The following PKHD1 variants were observed in gnomAD, a reference collection of about 807,000 sequenced individuals.
The protein encoded by PKHD1 is fibrocystin.
Under a neutral mutation model 412.0 loss-of-function variants are expected in PKHD1, and 291 were observed. The observed-to-expected ratio is 0.71, with a 90% CI of 0.64 to 0.78. The LOEUF is 0.78. Among genes scored for constraint, PKHD1 ranks in the 30% least tolerant of loss-of-function variants. The pLI is 0.00. For missense variants in PKHD1, 4,825 were observed against 4,950.7 expected (o/e 0.97, Z 0.76); for synonymous variants, 1,777 against 1,821.5 (o/e 0.98, Z 0.62).
Position 51,825,386 on chromosome 6 carries a change from T to C in PKHD1, c.8302+5475A>G, listed in dbSNP as rs570106467. Among the ~76,000 whole-genome samples the C allele has an allele frequency of 5.9e-5, 9 of 152,286 alleles. 2 individuals are homozygous for C. In the East Asian group the frequency reaches 1.7e-3, roughly 29 times the overall value. Reference sequence around the variant, plus strand: ...TTCCACACAGGTCTCTTGGACCACTTACTTTTGGAACACCTTTCTTAGGCT... The same window carrying C: ...TTCCACACAGGTCTCTTGGACCACTCACTTTTGGAACACCTTTCTTAGGCT... On this transcript the variant is annotated intron_variant, in intron 52 of 66. Transcript: ENST00000371117.
At chr6:51,737,706 C>G (rs1193180361) in intron 60 of PKHD1, among the ~76,000 whole-genome samples, 1 of 147,404 alleles carries the variant, frequency 6.8e-6, no homozygotes, top group African/African-American at 2.6e-5. Flanking sequence ...AGCAGAATCA[C>G]TTATTGTTTG....
intron 60 of PKHD1, among the ~76,000 whole-genome samples, chr6:51,704,366 A>T (rs1360583940): frequency 1.3e-5 from 2 of 152,056 alleles, no homozygotes; most frequent in Non-Finnish European, 2.9e-5. Flanking sequence ...ATGAACTGAG[A>T]TTTTCTTCTA....
chr6:51,823,764 A>C (rs937107837), intron 52 of PKHD1, among the ~76,000 whole-genome samples: 1 of 152,184 alleles, frequency 6.6e-6, no homozygotes, highest in Non-Finnish European at 1.5e-5. Flanking sequence ...AATTCTTTTT[A>C]ATTCCCACTC....
chr6:51,902,498 C>A (rs192086461), intron 43 of PKHD1, among the ~76,000 whole-genome samples: 21 of 152,218 alleles, frequency 1.4e-4, no homozygotes, highest in African/African-American at 4.6e-4. Context: ...TTGGAACAAA[C>A]ATAATTAAGA....
At position 51,754,778 on chromosome 6, in the gene PKHD1, C is replaced by G. The variant is rs375115505; in HGVS notation, c.8797+6G>C. On this transcript the variant is annotated splice_donor_region_variant and intron_variant, in intron 56 of 66. Coordinates refer to ENST00000371117, the MANE Select transcript of PKHD1 (RefSeq NM_138694.4). ...ACTTACCTTAACCAACAAACCAAAG[C>G]CTTACCAATATGCCGGTGTTTGAGC... 1 of 1,612,950 alleles carries G rather than the reference C, an allele frequency of 6.2e-7. No homozygotes were observed. Among genetic ancestry groups the G allele is most frequent in the Non-Finnish European group, 8.5e-7 (1 of 1,179,198 alleles).
At chr6:52,026,696 T>A (rs547211500) in intron 31 of PKHD1, among the ~76,000 whole-genome samples, 13 of 152,332 alleles carry the variant, frequency 8.5e-5, no homozygotes, top group Admixed American at 2.6e-4. Flanking sequence ...TATATTCTAT[T>A]TATTGTACCA....
rs561718564 is a variant in PKHD1 at position 51,874,548 on chromosome 6, T to C, written c.7351-3909A>G. ...AAGTTCTTCCAGAAAGTAATGTTTA[T>C]TTTAGGATGTGACTCACAGATAATT... On this transcript the variant is annotated intron_variant, in intron 46 of 66. Coordinates refer to ENST00000371117, the MANE Select transcript of PKHD1 (RefSeq NM_138694.4). 1.3e-3 allele frequency among the ~76,000 whole-genome samples: 199 copies of C among 152,264 alleles called. 1 individual carries two copies. The highest frequency in any genetic ancestry group is 2.0e-3 in the Admixed American group (31 of 15,290).
rs770922417 is a variant in PKHD1, at chr6:52,055,648, C to T, written c.1775G>A (p.Arg592Gln). ...FCGRFSLRQP[R>Q]HLVLTPPAAQ... The stretch of plus-strand genomic sequence containing the variant: ...AGCCGGGGGAGTAAGGACAAGGTGT[C>T]GAGGCTGACGGAGGCTGAACCTGCC... Residue 592 changes from arginine (R) to glutamine (Q), a missense_variant, in exon 19 of 67, where the codon CGA (arginine) becomes CAA (glutamine). Coordinates refer to ENST00000371117, the MANE Select transcript of PKHD1 (RefSeq NM_138694.4). 20 of 1,613,700 alleles carry T rather than the reference C, an allele frequency of 1.2e-5. No homozygotes were observed. The Admixed American group carries it at 2.2e-4, about 17-fold the overall frequency.
At chr6:51,804,807 T>C (rs1763515457) in intron 52 of PKHD1, among the ~76,000 whole-genome samples, 1 of 151,842 alleles carries the variant, frequency 6.6e-6, no homozygotes, top group African/African-American at 2.4e-5. Context: ...AAGCGAGAAA[T>C]GCAAATCAAA....
At chr6:51,868,447 T>C (rs893763519) in intron 47 of PKHD1, among the ~76,000 whole-genome samples, 3 of 151,166 alleles carry the variant, frequency 2.0e-5, no homozygotes, top group African/African-American at 4.9e-5. Context: ...GCTGTCACAA[T>C]TGGGGAGCTG....
chr6:52,001,486 G>A (rs904808110), intron 35 of PKHD1, among the ~76,000 whole-genome samples: 7 of 150,042 alleles, frequency 4.7e-5, no homozygotes, highest in Non-Finnish European at 8.9e-5. Context: ...CTGGAGTACA[G>A]TGGTGCAATC....
chr6:51,856,738 TTACAG>T (rs1360757523), intron 48 of PKHD1, among the ~76,000 whole-genome samples: 3 of 152,234 alleles, frequency 2.0e-5, no homozygotes, highest in Non-Finnish European at 2.9e-5. Flanking sequence ...CTCACTGCTA[TTACAG>T]TACCTATGTG....
chr6:51,659,267 C>T lies in PKHD1; in HGVS notation c.10859G>A (p.Arg3620His), dbSNP rs149163661. 1.4e-4 allele frequency: 228 copies of T among 1,613,740 alleles called. 1 individual carries two copies. In the African/African-American group the frequency reaches 1.6e-3, roughly 11 times the overall value. ...AIADSRAKRKRNCPTVTCTSH... is the reference protein window; with the variant it reads ...AIADSRAKRKHNCPTVTCTSH... ...AGTGCAAGTCACAGTAGGGCAATTG[C>T]GCTTTCTTTTTGCTCTACTGTCAGC... is the stretch of plus-strand genomic sequence containing the variant. The change falls in exon 61 of 67, where the codon CGC (arginine) becomes CAC (histidine). Residue 3620 changes from arginine (R) to histidine (H), a missense_variant. Transcript: ENST00000371117.
chr6:52,053,575 A>G (rs1171073636), intron 20 of PKHD1, among the ~76,000 whole-genome samples: 3 of 152,234 alleles, frequency 2.0e-5, no homozygotes, highest in African/African-American at 7.2e-5. Flanking sequence ...AACCACAGAG[A>G]AGATTGATAC....
At chr6:51,787,362 G>A (rs115825566) in intron 53 of PKHD1, among the ~76,000 whole-genome samples, 298 of 133,668 alleles carry the variant, frequency 2.2e-3, no homozygotes, top group Middle Eastern at 3.8e-3. Context: ...TCCATCTCAA[G>A]AAAAAAAAAA....
At chr6:52,032,743 GACACTT>G (rs1364021857) in intron 29 of PKHD1, among the ~76,000 whole-genome samples, 1 of 152,080 alleles carries the variant, frequency 6.6e-6, no homozygotes, top group Non-Finnish European at 1.5e-5. Flanking sequence ...TATCATTATT[GACACTT>G]ACTAAATGCT....
rs775356491 is a variant in PKHD1 at position 52,046,058 on chromosome 6, G to A, written c.2538C>T (p.His846=). ...GAGTGGACCAGGACAAGGTCCACAC[G>A]TGTTCGTAGCAAGTGTATAGATCCT... ...VKEDLYTCYE[H]VWTLSWSTQI... Residue 846 remains histidine, a synonymous_variant, in exon 24 of 67, where the codon CAC becomes CAT. Transcript: ENST00000371117. 5.8e-5 allele frequency: 94 copies of A among 1,613,396 alleles called. No individual in the cohort carries two copies. Among genetic ancestry groups the A allele is most frequent in the South Asian group, 1.5e-4 (14 of 91,068 alleles).
At chr6:51,737,216 GACCACAGT>G (rs761105080) in intron 60 of PKHD1, among the ~76,000 whole-genome samples, 3 of 152,166 alleles carry the variant, frequency 2.0e-5, no homozygotes, top group Non-Finnish European at 2.9e-5. Flanking sequence ...ATCTTGGTCA[GACCACAGT>G]ACTTTGCTGG....
chr6:52,082,353 C>T, intron 4 of PKHD1, 39 bp downstream of exon 4: 1 of 1,606,452 alleles, frequency 6.2e-7, no homozygotes, highest in Non-Finnish European at 8.5e-7. Context: ...GCAAAAATCC[C>T]TCATCCTGTC....
Sources: allele counts gnomAD v4.1 joint callset (sites outside exome capture counted in the v4.1 genomes callset), GRCh38; gene constraint gnomAD v4.1.1; transcripts MANE v1.5; gene names NCBI Gene and HGNC (gene_info 2026-07-23, HGNC 2026-07-21).